The following MDGA2 variants were observed in gnomAD, a reference collection of about 807,000 sequenced individuals.
MDGA2 encodes the protein MAM domain containing glycosylphosphatidylinositol anchor 2, also known as MAM domain-containing glycosylphosphatidylinositol anchor protein 2.
In MDGA2, 40 loss-of-function variants were observed where a neutral mutation model predicts 117.8. The ratio of observed to expected loss-of-function variants is 0.34; its 90% CI spans 0.26 to 0.44. The LOEUF is 0.44. Ranked by LOEUF, MDGA2 falls within the 20% of genes least tolerant of loss-of-function variation. The pLI is 1.00. For missense variants in MDGA2, 1,123 were observed against 1,250.6 expected (o/e 0.90, Z 1.54); for synonymous variants, 452 against 439.0 (o/e 1.03, Z -0.37).
chr14:47,448,202 G>C (rs1347835881), intron 1 of MDGA2, among the ~76,000 whole-genome samples: 3 of 151,640 alleles, frequency 2.0e-5, no homozygotes, highest in Non-Finnish European at 4.4e-5. Context: ...CCAGGCTGGA[G>C]GGTAGTGGCA....
chr14:47,438,936 C>T (rs945213175), intron 1 of MDGA2, among the ~76,000 whole-genome samples: 1 of 152,094 alleles, frequency 6.6e-6, no homozygotes, highest in Admixed American at 6.6e-5. Context: ...GCAAATGTGC[C>T]TACTCTATCT....
intron 2 of MDGA2, among the ~76,000 whole-genome samples, chr14:47,278,300 G>T (rs949857422): frequency 6.6e-6 from 1 of 151,816 alleles, no homozygotes; most frequent in Non-Finnish European, 1.5e-5. Context: ...TTTTTAAATT[G>T]ACAAATAATA....
In MDGA2 at chr14:47,050,466, G is replaced by T. The variant is rs146011558; in HGVS notation, c.1525+10783C>A. Among the ~76,000 whole-genome samples, 931 of 152,058 alleles carry T rather than the reference G, an allele frequency of 6.1e-3. 8 individuals carry two copies. Among genetic ancestry groups the T allele is most frequent in the African/African-American group, 0.022 (895 of 41,512 alleles). On this transcript the variant is annotated intron_variant, in intron 7 of 16. Coordinates refer to ENST00000399232, the MANE Select transcript of MDGA2 (RefSeq NM_001113498.3). ...TATCTTAAATTTGGTGTTGACATGG[G>T]TGTTCACAAAACTGCATGCTTACAA...
intron 1 of MDGA2, among the ~76,000 whole-genome samples, chr14:47,376,860 A>AG (rs929140950): frequency 1.3e-5 from 2 of 152,146 alleles, no homozygotes; most frequent in Admixed American, 6.5e-5. Context: ...GAGGTAGGAA[A>AG]GGGGGGGCAC....
At chr14:47,069,314 G>C (rs1238761355) in intron 6 of MDGA2, among the ~76,000 whole-genome samples, 1 of 152,076 alleles carries the variant, frequency 6.6e-6, no homozygotes, top group Admixed American at 6.5e-5. Flanking sequence ...TACATTATTG[G>C]CTCTTCTTTC....
chr14:47,054,804 A>G (rs1214753773), intron 7 of MDGA2, among the ~76,000 whole-genome samples: 2 of 151,782 alleles, frequency 1.3e-5, no homozygotes, highest in Non-Finnish European at 2.9e-5. Context: ...AGCCATATGT[A>G]GAAAGCTGAA....
chr14:47,014,437 T>A (rs139692768), intron 8 of MDGA2, among the ~76,000 whole-genome samples: 264 of 152,324 alleles, frequency 1.7e-3, no homozygotes, highest in Non-Finnish European at 3.0e-3. Flanking sequence ...CCTACTGACA[T>A]TTTCTTTCAA....
At chr14:47,623,100 A>G (rs559247804) in intron 1 of MDGA2, among the ~76,000 whole-genome samples, 6 of 152,304 alleles carry the variant, frequency 3.9e-5, no homozygotes, top group East Asian at 3.9e-4. Flanking sequence ...ATTAATGCCA[A>G]TATCTCAGGC....
At chr14:46,877,085 C>A (rs1882260691) in intron 12 of MDGA2, among the ~76,000 whole-genome samples, 1 of 151,340 alleles carries the variant, frequency 6.6e-6, no homozygotes. Context: ...CATCAAATAC[C>A]AACTTTCTAA....
intron 10 of MDGA2, among the ~76,000 whole-genome samples, chr14:46,900,942 A>C (rs1363232537): frequency 6.6e-6 from 1 of 152,106 alleles, no homozygotes; most frequent in Admixed American, 6.6e-5. Context: ...TAATGGGAGA[A>C]GGTTTCATGG....
intron 1 of MDGA2, among the ~76,000 whole-genome samples, chr14:47,472,539 T>G (rs967101650): frequency 6.6e-6 from 1 of 152,172 alleles, no homozygotes; most frequent in Admixed American, 6.6e-5. Context: ...AAGCAGACCT[T>G]GTCTGCTTCC....
chr14:47,467,001 C>A (rs952507731), intron 1 of MDGA2, among the ~76,000 whole-genome samples: 2 of 151,990 alleles, frequency 1.3e-5, no homozygotes, highest in African/African-American at 4.8e-5. Context: ...TGAGACACAC[C>A]ACCAGCTCAG....
intron 3 of MDGA2, among the ~76,000 whole-genome samples, chr14:47,184,242 T>C (rs1204234580): frequency 6.6e-6 from 1 of 152,000 alleles, no homozygotes; most frequent in Non-Finnish European, 1.5e-5. Flanking sequence ...TATTCCTTAA[T>C]TAAAATGTAT....
At chr14:47,597,885 A>ACACACAC (rs1566533977) in intron 1 of MDGA2, among the ~76,000 whole-genome samples, 4 of 136,308 alleles carry the variant, frequency 2.9e-5, no homozygotes, top group African/African-American at 1.1e-4. Context: ...CACACACACA[A>ACACACAC]AACACAGAGT....
chr14:46,867,222 A>G (rs1400391363), intron 14 of MDGA2, among the ~76,000 whole-genome samples: 1 of 152,224 alleles, frequency 6.6e-6, no homozygotes, highest in Non-Finnish European at 1.5e-5. Flanking sequence ...ATAAAAAATG[A>G]TGAGTTCATG....
At chr14:47,511,747 G>A (rs1374186151) in intron 1 of MDGA2, among the ~76,000 whole-genome samples, 1 of 152,102 alleles carries the variant, frequency 6.6e-6, no homozygotes, top group African/African-American at 2.4e-5. Context: ...CAGATACACA[G>A]ACAAAAACAC....
intron 1 of MDGA2, among the ~76,000 whole-genome samples, chr14:47,397,329 G>A (rs574588387): frequency 4.6e-5 from 7 of 152,098 alleles, no homozygotes; most frequent in Non-Finnish European, 8.8e-5. Context: ...GGGGCCTGTC[G>A]GAGGGTGGGG....
Position 47,528,461 on chromosome 14 carries a change from C to T in MDGA2, c.280+146056G>A, listed in dbSNP as rs148724141. ...AATATGGAAGTTCTTTGGTCAGTGGCTGTTGAAACTTGTGGCAACTTTCCA... is the reference window on the plus strand; with the variant it reads ...AATATGGAAGTTCTTTGGTCAGTGGTTGTTGAAACTTGTGGCAACTTTCCA... On this transcript the variant is annotated intron_variant, in intron 1 of 16. Transcript: ENST00000399232. Among the ~76,000 whole-genome samples, 372 of 152,298 alleles carry T rather than the reference C, an allele frequency of 2.4e-3. 1 individual carries two copies. The highest frequency in any genetic ancestry group is 8.4e-3 in the African/African-American group (348 of 41,566).
intron 1 of MDGA2, among the ~76,000 whole-genome samples, chr14:47,417,139 A>G (rs1258153514): frequency 1.3e-5 from 2 of 152,198 alleles, no homozygotes; most frequent in Non-Finnish European, 1.5e-5. Context: ...TCTTTTCTAT[A>G]TAAATAAGTT....
Sources: allele counts gnomAD v4.1 joint callset (sites outside exome capture counted in the v4.1 genomes callset), GRCh38; gene constraint gnomAD v4.1.1; transcripts MANE v1.5; gene names NCBI Gene and HGNC (gene_info 2026-07-23, HGNC 2026-07-21).